Variants in RACGAP1 observed in about 807,000 individuals in gnomAD.
The protein encoded by RACGAP1 is Rac GTPase activating protein 1.
RACGAP1 carries 30 observed loss-of-function variants against 78.1 expected under a neutral mutation model. The ratio of observed to expected loss-of-function variants is 0.38; its 90% CI spans 0.29 to 0.52. The LOEUF is 0.52. Ranked by LOEUF, RACGAP1 falls within the 20% of genes least tolerant of loss-of-function variation. The pLI is 0.82. For missense variants in RACGAP1, 587 were observed against 777.1 expected (o/e 0.76, Z 2.91); for synonymous variants, 231 against 264.8 (o/e 0.87, Z 1.24).
At chr12:50,026,920 C>T (rs536590716), upstream of RACGAP1, among the ~76,000 whole-genome samples, 3 of 152,178 alleles carry the variant, frequency 2.0e-5, no homozygotes, top group African/African-American at 4.8e-5. Flanking sequence ...CTTAGGTGAT[C>T]CTCCCACCTG....
At chr12:50,006,392 C>T in intron 3 of RACGAP1, 42 bp downstream of exon 3, 2 of 1,603,648 alleles carry the variant, frequency 1.2e-6, no homozygotes, top group Non-Finnish European at 1.7e-6. Flanking sequence ...TGCCTTCCCC[C>T]TCCTGCATCA....
At chr12:50,011,792 A>AAAAATAC (rs1221340697) in intron 2 of RACGAP1, among the ~76,000 whole-genome samples, 5 of 151,664 alleles carry the variant, frequency 3.3e-5, no homozygotes, top group African/African-American at 1.2e-4. Flanking sequence ...CGTCTCTACT[A>AAAAATAC]AAAATACAAA....
At chr12:49,995,978 CAG>C (rs1316942831) in intron 10 of RACGAP1, among the ~76,000 whole-genome samples, 1 of 152,056 alleles carries the variant, frequency 6.6e-6, no homozygotes, top group African/African-American at 2.4e-5. Flanking sequence ...ATTCATTGGA[CAG>C]AGTCAGGAGG....
At chr12:50,009,306 C>G (rs146054689) in intron 2 of RACGAP1, among the ~76,000 whole-genome samples, 1 of 149,218 alleles carries the variant, frequency 6.7e-6, no homozygotes, top group Non-Finnish European at 1.5e-5. Flanking sequence ...TAAAAAGTTA[C>G]GTACACCCTA....
intron 8 of RACGAP1, 35 bp downstream of exon 8, chr12:49,999,581 T>C (rs1018554357): frequency 6.3e-7 from 1 of 1,576,130 alleles, no homozygotes; most frequent in Non-Finnish European, 8.7e-7. Flanking sequence ...GCTAGTTGTT[T>C]TACACAGGCC....
upstream of RACGAP1, among the ~76,000 whole-genome samples, chr12:50,029,099 C>A (rs1950306700): frequency 6.6e-6 from 1 of 152,018 alleles, no homozygotes; most frequent in South Asian, 2.1e-4. Flanking sequence ...GCCTGTAGTC[C>A]CAGCTACTCA....
At chr12:50,018,157 CAAA>C (rs5798123) in intron 1 of RACGAP1, among the ~76,000 whole-genome samples, 2 of 121,700 alleles carry the variant, frequency 1.6e-5, no homozygotes, top group Admixed American at 8.1e-5. Flanking sequence ...GACTCTGTCT[CAAA>C]AAAAAAAAAA....
At chr12:50,027,024 T>C (rs1233090141), upstream of RACGAP1, among the ~76,000 whole-genome samples, 1 of 152,168 alleles carries the variant, frequency 6.6e-6, no homozygotes, top group Non-Finnish European at 1.5e-5. Flanking sequence ...TTATCACTTT[T>C]TAATACTTCT....
chr12:50,023,625 C>T (rs1317350947), intron 1 of RACGAP1, among the ~76,000 whole-genome samples: 1 of 152,042 alleles, frequency 6.6e-6, no homozygotes, highest in South Asian at 2.1e-4. Context: ...TCCAGCTACT[C>T]CGGAGGCTGA....
In RACGAP1 at chr12:49,991,457, T is replaced by TTTTATATATATATATATATA. The variant is rs1345935711; in HGVS notation, c.1714+540_1714+541insTATATATATATATATATAAA. On this transcript the variant is annotated intron_variant, in intron 15 of 16. Coordinates refer to ENST00000312377, the MANE Select transcript of RACGAP1 (RefSeq NM_001319999.2). ...ATAAGAATGAATTATATTTAAACTA[T>TTTTATATATATATATATATA]TATATATATATATATATATATATTT... Among the ~76,000 whole-genome samples, 4 of 27,402 alleles carry TTTTATATATATATATATATA rather than the reference T, an allele frequency of 1.5e-4. No individual in the cohort carries two copies. In the Admixed American group the frequency reaches 1.9e-3, roughly 13 times the overall value. 18.0% of individuals were successfully genotyped at this position (27,402 alleles called of 152,430 possible). A position where few individuals can be genotyped will look rare whatever the true frequency, so the allele number is the denominator to read the frequency against.
upstream of RACGAP1, among the ~76,000 whole-genome samples, chr12:50,028,658 G>T (rs1417103588): frequency 6.6e-6 from 1 of 151,880 alleles, no homozygotes; most frequent in East Asian, 1.9e-4. Context: ...TGTAATCCCA[G>T]CTACTTGGGA....
chr12:50,013,114 C>G (rs1162040057), intron 2 of RACGAP1, among the ~76,000 whole-genome samples: 1 of 151,988 alleles, frequency 6.6e-6, no homozygotes, highest in Non-Finnish European at 1.5e-5. Context: ...AATTAGAGAT[C>G]TGGAGAAGGA....
chr12:50,021,628 G>A (rs1331192374), intron 1 of RACGAP1, among the ~76,000 whole-genome samples: 2 of 152,152 alleles, frequency 1.3e-5, no homozygotes, highest in African/African-American at 4.8e-5. Flanking sequence ...ACATTATTAA[G>A]AGACCTATAT....
At chr12:50,027,171 T>C (rs1950283841), upstream of RACGAP1, among the ~76,000 whole-genome samples, 1 of 152,218 alleles carries the variant, frequency 6.6e-6, no homozygotes, top group Non-Finnish European at 1.5e-5. Flanking sequence ...CAGATTATTA[T>C]TAATATTATT....
At chr12:50,010,318 C>CTTTTT (rs370154975) in intron 2 of RACGAP1, among the ~76,000 whole-genome samples, 19 of 142,710 alleles carry the variant, frequency 1.3e-4, no homozygotes, top group African/African-American at 4.4e-4. Context: ...CTTTTTTTAA[C>CTTTTT]TTTTTTTTTT....
intron 2 of RACGAP1, among the ~76,000 whole-genome samples, chr12:50,008,169 GAAAAAA>G (rs71441313): frequency 4.9e-5 from 3 of 60,682 alleles, no homozygotes; most frequent in Admixed American, 4.4e-4. Flanking sequence ...TGAGAAATGT[GAAAAAA>G]AAAAAAAAAA....
chr12:49,995,401 G>C (rs79774244), intron 10 of RACGAP1, among the ~76,000 whole-genome samples: 2 of 152,008 alleles, frequency 1.3e-5, no homozygotes, highest in East Asian at 3.9e-4. Context: ...GCATGGATAA[G>C]AACTTGTAAG....
intron 3 of RACGAP1, among the ~76,000 whole-genome samples, chr12:50,006,140 G>A (rs531523944): frequency 3.3e-5 from 5 of 152,298 alleles, no homozygotes; most frequent in East Asian, 1.9e-4. Flanking sequence ...GATCAAGTAC[G>A]TTAGGATCTC....
At chr12:49,992,979 T>A (rs1565657777) in intron 12 of RACGAP1, among the ~76,000 whole-genome samples, 1 of 152,184 alleles carries the variant, frequency 6.6e-6, no homozygotes, top group South Asian at 2.1e-4. Context: ...GGGCCTACGA[T>A]GTGCCAGGTA....
Sources: allele counts gnomAD v4.1 joint callset (sites outside exome capture counted in the v4.1 genomes callset), GRCh38; gene constraint gnomAD v4.1.1; transcripts MANE v1.5; gene names NCBI Gene and HGNC (gene_info 2026-07-23, HGNC 2026-07-21).